The following SPECC1 variants were observed in gnomAD, a reference collection of about 807,000 sequenced individuals.
SPECC1 encodes the protein cytospin-B.
In SPECC1, 62 loss-of-function variants were observed where a neutral mutation model predicts 104.1. The ratio of observed to expected loss-of-function variants is 0.60; its 90% CI spans 0.49 to 0.74. The LOEUF (loss-of-function observed/expected upper bound fraction) is 0.74, where lower values mean the gene tolerates loss of function less well. SPECC1 is among the 30% of genes least tolerant of loss of function. SPECC1 has a pLI of 0.00. For missense variants in SPECC1, 1,306 were observed against 1,310.5 expected, an observed-to-expected ratio of 1.00 and a Z score of 0.05; for synonymous variants, 513 against 501.6, an observed-to-expected ratio of 1.02 and a Z score of -0.30.
At chr17:20,179,211 A>C (rs568128889) in intron 3 of SPECC1, among the ~76,000 whole-genome samples, 2 of 152,374 alleles carry the variant, frequency 1.3e-5, no homozygotes, top group East Asian at 3.9e-4. Flanking sequence ...TCTTACACAG[A>C]ATTGGCCCAG....
At chr17:20,046,668 A>C (rs1199599579) in intron 1 of SPECC1, among the ~76,000 whole-genome samples, 1 of 152,122 alleles carries the variant, frequency 6.6e-6, no homozygotes, top group African/African-American at 2.4e-5. Flanking sequence ...TAAATAGGGT[A>C]GTCAGGGAGG....
intron 3 of SPECC1, among the ~76,000 whole-genome samples, chr17:20,202,727 T>C (rs928454116): frequency 6.6e-6 from 1 of 152,178 alleles, no homozygotes; most frequent in African/African-American, 2.4e-5. Flanking sequence ...CAATAGGCTA[T>C]TAGTAGTTAA....
At position 20,315,875 on chromosome 17, in the gene SPECC1, C is replaced by G. The variant is rs1333734824; in HGVS notation, c.*1810C>G. ...TACAGTGGACCCTTTTGAAAACACT[C>G]TTGGCTGCCCTAGTTGGTTAACTTC... is the stretch of plus-strand genomic sequence containing the variant. On this transcript the variant is annotated 3_prime_UTR_variant, in exon 15 of 15. Coordinates refer to ENST00000395527, the MANE Select transcript of SPECC1 (RefSeq NM_001243439.2). The G allele has an allele frequency of 1.7e-5, 4 of 232,596 alleles. No homozygotes were observed. Among genetic ancestry groups the G allele is most frequent in the African/African-American group, 8.8e-5 (4 of 45,314 alleles). 14.4% of individuals were successfully genotyped at this position (232,596 alleles called of 1,614,324 possible).
intron 3 of SPECC1, among the ~76,000 whole-genome samples, chr17:20,140,511 A>C (rs1326408535): frequency 6.6e-6 from 1 of 152,108 alleles, no homozygotes; most frequent in African/African-American, 2.4e-5. Context: ...CCCTCTTTGT[A>C]CTCATATTTC....
At chr17:20,080,486 G>A (rs1015304473) in intron 1 of SPECC1, among the ~76,000 whole-genome samples, 2 of 152,078 alleles carry the variant, frequency 1.3e-5, no homozygotes, top group Non-Finnish European at 2.9e-5. Flanking sequence ...CTACAGTAAC[G>A]GGCCTCCTTA....
In SPECC1 at chr17:20,256,769, A is replaced by G. The variant is rs143720481; in HGVS notation, c.2681-682A>G. Among the ~76,000 whole-genome samples, 843 of 152,304 alleles carry G rather than the reference A, an allele frequency of 5.5e-3. 1 individual carries two copies. The highest frequency in any genetic ancestry group is 8.4e-3 in the Non-Finnish European group (572 of 68,006). On this transcript the variant is annotated intron_variant, in intron 10 of 14. Transcript: ENST00000395527. ...GGTGCACTTTCCTGTAGTCCCAGCTACTTGGGAGGCTGAGACAGAGGATCA... is the reference window on the plus strand; with the variant it reads ...GGTGCACTTTCCTGTAGTCCCAGCTGCTTGGGAGGCTGAGACAGAGGATCA...
intron 3 of SPECC1, among the ~76,000 whole-genome samples, chr17:20,156,393 T>C (rs908931433): frequency 6.6e-6 from 1 of 152,010 alleles, no homozygotes; most frequent in African/African-American, 2.4e-5. Flanking sequence ...CCGCTTGGGA[T>C]TGTGAAATTA....
intron 3 of SPECC1, among the ~76,000 whole-genome samples, chr17:20,182,119 C>T (rs2526461): frequency 1.5e-4 from 20 of 136,562 alleles, no homozygotes; most frequent in South Asian, 4.4e-4. Flanking sequence ...CTTTCTTTTT[C>T]TTTTTTTTTT....
rs1598030892 is a variant in SPECC1 at position 20,227,279 on chromosome 17, A to G, written c.1864-134A>G. The G allele has an allele frequency of 6.7e-6, 5 of 744,712 alleles. No homozygotes were observed. The East Asian group carries it at 1.4e-4, about 21-fold the overall frequency. The allele number at this position is 744,712 out of a possible 1,614,324, so 46.1% of individuals were successfully genotyped here. On this transcript the variant is annotated intron_variant, in intron 4 of 14. Transcript: ENST00000395527. ...GGAGCTTTTCGTAATGTTTTATTTTAGATTGAAGAGGTTCATGTTCAGGTT... is the reference window on the plus strand; with the variant it reads ...GGAGCTTTTCGTAATGTTTTATTTTGGATTGAAGAGGTTCATGTTCAGGTT...
rs147463814 is a variant in SPECC1, at chr17:20,315,681, C to T, written c.*1616C>T. ...GTTCTAGAGGCTGCAGGTCCAGCCC[C>T]TTACCATTCCTGGAGAGGTAGGAGC... On this transcript the variant is annotated 3_prime_UTR_variant, in exon 15 of 15. Coordinates refer to ENST00000395527, the MANE Select transcript of SPECC1 (RefSeq NM_001243439.2). The T allele has an allele frequency of 6.3e-3, 1,455 of 232,448 alleles. 21 individuals are homozygous for T. The highest frequency in any genetic ancestry group is 0.028 in the African/African-American group (1,270 of 45,408). 14.4% of individuals were successfully genotyped at this position (232,448 alleles called of 1,614,324 possible).
chr17:20,083,663 C>T (rs2047066890), intron 1 of SPECC1, among the ~76,000 whole-genome samples: 1 of 152,040 alleles, frequency 6.6e-6, no homozygotes, highest in Admixed American at 6.5e-5. Flanking sequence ...AGTTAGGTTG[C>T]TTGACTTTTG....
intron 1 of SPECC1, among the ~76,000 whole-genome samples, chr17:20,021,759 A>G (rs2044397460): frequency 6.9e-6 from 1 of 145,232 alleles, no homozygotes; most frequent in Non-Finnish European, 1.5e-5. Flanking sequence ...GATGGTCTTG[A>G]TCTCTTGACC....
At chr17:20,182,564 T>A (rs1375767209) in intron 3 of SPECC1, among the ~76,000 whole-genome samples, 2 of 152,228 alleles carry the variant, frequency 1.3e-5, no homozygotes, top group African/African-American at 4.8e-5. Context: ...TTTGAAAGAC[T>A]ATATAACAAT....
chr17:20,041,251 T>C (rs1057088921), intron 1 of SPECC1, among the ~76,000 whole-genome samples: 2 of 152,218 alleles, frequency 1.3e-5, no homozygotes, highest in Admixed American at 1.3e-4. Flanking sequence ...ATCTATTTTT[T>C]TGAGATGGAG....
intron 4 of SPECC1, among the ~76,000 whole-genome samples, chr17:20,219,520 T>C (rs1304856413): frequency 1.3e-5 from 2 of 152,196 alleles, no homozygotes; most frequent in Non-Finnish European, 2.9e-5. Flanking sequence ...TTAATCAGAC[T>C]ACTAGATTTT....
intron 5 of SPECC1, among the ~76,000 whole-genome samples, chr17:20,230,044 A>AGT (rs1399293134): frequency 1.2e-4 from 18 of 152,342 alleles, no homozygotes; most frequent in African/African-American, 3.6e-4. Context: ...ATACTTGCTA[A>AGT]GTGTTATTCA....
Position 20,030,530 on chromosome 17 carries a change from A to G in SPECC1, c.-22+21106A>G, listed in dbSNP as rs138982448. On this transcript the variant is annotated intron_variant, in intron 1 of 14. Transcript: ENST00000395527. ...CTCTCTTTTGTGCAGTTATTTGCAA[A>G]TATATTACAAGTATATTTCTATATA... Among the ~76,000 whole-genome samples, 1,028 of 152,236 alleles carry G rather than the reference A, an allele frequency of 6.8e-3. 7 individuals carry two copies. The highest frequency in any genetic ancestry group is 0.023 in the African/African-American group (969 of 41,554).
At position 20,086,140 on chromosome 17, in the gene SPECC1, C is replaced by T. The variant is rs564790419; in HGVS notation, c.-21-10491C>T. On this transcript the variant is annotated intron_variant, in intron 1 of 14. Transcript: ENST00000395527. ...CTGCCTGCAGTCCCACTGCTGCCTC[C>T]GCCACCCTGGGCACCACTGCTGCCT... 3.9e-5 allele frequency among the ~76,000 whole-genome samples: 6 copies of T among 152,258 alleles called. No homozygotes were observed. In the East Asian group the frequency reaches 5.8e-4, roughly 15 times the overall value.
intron 4 of SPECC1, among the ~76,000 whole-genome samples, chr17:20,223,220 A>AT: frequency 6.6e-6 from 1 of 150,424 alleles, no homozygotes; most frequent in East Asian, 2.0e-4. Context: ...TGTGTGCTTT[A>AT]TTTTTTTTAA....
Sources: gnomAD v4.1 joint callset for allele counts (sites outside exome capture counted in the v4.1 genomes callset) on GRCh38, gnomAD v4.1.1 for gene constraint, MANE v1.5 for transcripts, NCBI Gene and HGNC (gene_info 2026-07-23, HGNC 2026-07-21) for gene names.